Variants in VWC2 observed in about 807,000 individuals in gnomAD.
The protein encoded by VWC2 is von Willebrand factor C domain containing 2.
A neutral mutation model predicts 29.8 loss-of-function variants in VWC2; 14 were observed. That is an observed-to-expected ratio of 0.47 (90% confidence interval 0.31 to 0.74). VWC2 has a LOEUF of 0.74. Among genes scored for constraint, VWC2 ranks in the 30% least tolerant of loss-of-function variants. VWC2 has a pLI of 0.05. For synonymous variants in VWC2, 213 were observed against 199.0 expected, an observed-to-expected ratio of 1.07 and a Z score of -0.59; for missense variants, 457 against 459.8, an observed-to-expected ratio of 0.99 and a Z score of 0.05.
At chr7:49,886,055 A>G (rs74497221) in intron 3 of VWC2, among the ~76,000 whole-genome samples, 4,568 of 152,320 alleles carry the variant, frequency 0.03, 186 homozygotes, top group South Asian at 0.13. Context: ...CAGTGTGTGC[A>G]AGAGCCTGGA....
chr7:49,803,958 C>G (rs1219229988), intron 3 of VWC2, among the ~76,000 whole-genome samples: 1 of 152,130 alleles, frequency 6.6e-6, no homozygotes, highest in African/African-American at 2.4e-5. Flanking sequence ...CCTGAAAGAA[C>G]AAGATGACTG....
intron 2 of VWC2, among the ~76,000 whole-genome samples, chr7:49,789,135 G>A (rs1258657114): frequency 1.4e-5 from 2 of 146,010 alleles, no homozygotes; most frequent in East Asian, 2.0e-4. Flanking sequence ...GTGTGTGAAT[G>A]GATGTATGAG....
Position 49,775,774 on chromosome 7 carries a change from C to T in VWC2, c.339C>T (p.Pro113=). 3.9e-6 allele frequency: 6 copies of T among 1,519,762 alleles called. No homozygotes were observed. 94.1% of individuals were successfully genotyped at this position (1,519,762 alleles called of 1,614,324 possible). A position where few individuals can be genotyped will look rare whatever the true frequency, so the allele number is the denominator to read the frequency against. ...GAKAGDLQVR[P]RGDTPQAEAL... is the part of the protein sequence containing the mutation. ...AGGCCGGGGATCTGCAGGTCCGGCC[C>T]CGCGGGGACACCCCGCAGGCGGAAG... Residue 113 remains proline (P), a synonymous_variant, in exon 2 of 4, where the codon CCC becomes CCT. Transcript: ENST00000340652.
chr7:49,839,330 T>A (rs1191036239), intron 3 of VWC2, among the ~76,000 whole-genome samples: 2 of 152,254 alleles, frequency 1.3e-5, no homozygotes, highest in African/African-American at 4.8e-5. Flanking sequence ...ACCATGGTAC[T>A]TCTGCAGCAA....
intron 2 of VWC2, among the ~76,000 whole-genome samples, chr7:49,802,287 G>T (rs1788756526): frequency 2.0e-5 from 3 of 152,138 alleles, no homozygotes. Flanking sequence ...CACTGGGCTG[G>T]ATCATTTTTT....
At position 49,865,937 on chromosome 7, in the gene VWC2, G is replaced by A. The variant is rs539853770; in HGVS notation, c.827-46097G>A. Among the ~76,000 whole-genome samples the A allele has an allele frequency of 1.5e-4, 23 of 152,336 alleles. No homozygotes were observed. In the South Asian group the frequency reaches 4.8e-3, roughly 32 times the overall value. ...CTTACAAGCCCATTTGTCCAGTTGA[G>A]AAAGTCTACTCGGCACCATCTTAAA... On this transcript the variant is annotated intron_variant, in intron 3 of 3. Transcript: ENST00000340652.
At chr7:49,895,508 G>GA (rs1354159355) in intron 3 of VWC2, among the ~76,000 whole-genome samples, 3 of 152,134 alleles carry the variant, frequency 2.0e-5, no homozygotes, top group African/African-American at 4.8e-5. Flanking sequence ...AATGATCACA[G>GA]AAAAAATCAG....
At chr7:49,908,607 G>T (rs1793232912) in intron 3 of VWC2, among the ~76,000 whole-genome samples, 1 of 152,032 alleles carries the variant, frequency 6.6e-6, no homozygotes, top group African/African-American at 2.4e-5. Context: ...CACCAAGAAG[G>T]CCTAGAAGGG....
At chr7:49,879,896 C>T (rs1791596652) in intron 3 of VWC2, among the ~76,000 whole-genome samples, 1 of 152,094 alleles carries the variant, frequency 6.6e-6, no homozygotes, top group African/African-American at 2.4e-5. Flanking sequence ...GGTATGCAGT[C>T]TTACCAGCAG....
At chr7:49,829,220 C>T (rs1333929674) in intron 3 of VWC2, among the ~76,000 whole-genome samples, 1 of 152,226 alleles carries the variant, frequency 6.6e-6, no homozygotes, top group Non-Finnish European at 1.5e-5. Flanking sequence ...TGTTGCAAGG[C>T]TGTATCAGGA....
chr7:49,892,885 C>T (rs1792204153), intron 3 of VWC2, among the ~76,000 whole-genome samples: 1 of 152,154 alleles, frequency 6.6e-6, no homozygotes, highest in Admixed American at 6.5e-5. Context: ...CCACTCTGCC[C>T]CTTTCGCTGA....
intron 2 of VWC2, among the ~76,000 whole-genome samples, chr7:49,783,218 C>G (rs1362746987): frequency 6.6e-6 from 1 of 152,072 alleles, no homozygotes; most frequent in African/African-American, 2.4e-5. Context: ...GTGTGAGGCC[C>G]TGGGCTGCAT....
Position 49,785,524 on chromosome 7 carries a change from T to C in VWC2, c.696+9393T>C, listed in dbSNP as rs944893646. Among the ~76,000 whole-genome samples, 4 of 152,216 alleles carry C rather than the reference T, an allele frequency of 2.6e-5. No individual in the cohort carries two copies. In the East Asian group the frequency reaches 7.7e-4, roughly 29 times the overall value. On this transcript the variant is annotated intron_variant, in intron 2 of 3. Coordinates refer to ENST00000340652, the MANE Select transcript of VWC2 (RefSeq NM_198570.5). ...TAGTTGAAAGACATCTATTTTCTCATTCAGGAAACCCAATGAATCTAAAGA... is the reference window on the plus strand; with the variant it reads ...TAGTTGAAAGACATCTATTTTCTCACTCAGGAAACCCAATGAATCTAAAGA...
intron 3 of VWC2, among the ~76,000 whole-genome samples, chr7:49,886,917 A>G (rs1015657582): frequency 5.3e-5 from 8 of 151,790 alleles, no homozygotes; most frequent in African/African-American, 1.9e-4. Context: ...TTTCTACTTT[A>G]TGGGTCCTTT....
intron 2 of VWC2, among the ~76,000 whole-genome samples, chr7:49,779,833 T>C (rs1354476117): frequency 6.6e-6 from 1 of 152,224 alleles, no homozygotes; most frequent in Non-Finnish European, 1.5e-5. Context: ...CTTGCAGATG[T>C]CCATCTTCTT....
chr7:49,791,752 C>T (rs1432659586), intron 2 of VWC2, among the ~76,000 whole-genome samples: 1 of 152,166 alleles, frequency 6.6e-6, no homozygotes, highest in Admixed American at 6.5e-5. Flanking sequence ...TCTTTCCAGA[C>T]AAGAAGATGC....
intron 3 of VWC2, among the ~76,000 whole-genome samples, chr7:49,851,585 C>T (rs1021258925): frequency 2.0e-5 from 3 of 152,206 alleles, no homozygotes; most frequent in Admixed American, 6.5e-5. Flanking sequence ...ACAGGCCAGG[C>T]GTGGTGGCTC....
At chr7:49,824,513 A>G (rs1047943473) in intron 3 of VWC2, among the ~76,000 whole-genome samples, 1 of 152,184 alleles carries the variant, frequency 6.6e-6, no homozygotes, top group Non-Finnish European at 1.5e-5. Flanking sequence ...TAAGGTGTCC[A>G]ACTTTATTTT....
At chr7:49,867,759 C>G (rs1324289119) in intron 3 of VWC2, among the ~76,000 whole-genome samples, 1 of 152,212 alleles carries the variant, frequency 6.6e-6, no homozygotes, top group Non-Finnish European at 1.5e-5. Flanking sequence ...AGAAGACCTG[C>G]TGGTATCTCT....
Sources: gnomAD v4.1 joint callset for allele counts (sites outside exome capture counted in the v4.1 genomes callset) on GRCh38, gnomAD v4.1.1 for gene constraint, MANE v1.5 for transcripts, NCBI Gene and HGNC (gene_info 2026-07-23, HGNC 2026-07-21) for gene names.